The following FANCM variants were observed in gnomAD, a reference collection of about 807,000 sequenced individuals.
FANCM encodes FA complementation group M.
Under a neutral mutation model 199.5 loss-of-function variants are expected in FANCM, and 140 were observed. The ratio of observed to expected loss-of-function variants is 0.70; its 90% CI spans 0.61 to 0.81. The LOEUF is 0.81. Among genes scored for constraint, FANCM ranks in the 30% least tolerant of loss-of-function variants. The pLI, the probability that FANCM is intolerant of heterozygous loss-of-function variation, is 0.00. For missense variants in FANCM, 2,410 were observed against 2,421.4 expected, an observed-to-expected ratio of 1.00 and a Z score of 0.10; for synonymous variants, 840 against 836.8, an observed-to-expected ratio of 1.00 and a Z score of -0.07.
At chr14:45,184,756 T>G (rs969565974) in intron 17 of FANCM, among the ~76,000 whole-genome samples, 6 of 151,500 alleles carry the variant, frequency 4.0e-5, no homozygotes, top group African/African-American at 1.5e-4. Flanking sequence ...GGTAACTTTA[T>G]CATTTCTTCT....
At chr14:45,191,735 A>G (rs1358554032) in intron 20 of FANCM, among the ~76,000 whole-genome samples, 1 of 152,200 alleles carries the variant, frequency 6.6e-6, no homozygotes, top group Admixed American at 6.5e-5. Context: ...GAATTTTTTG[A>G]GGTAAATTTG....
intron 8 of FANCM, among the ~76,000 whole-genome samples, chr14:45,155,738 G>T (rs45607635): frequency 3.3e-5 from 5 of 152,164 alleles, no homozygotes; most frequent in Non-Finnish European, 7.3e-5. Flanking sequence ...GGTGAAGGTT[G>T]CAGTGAGCCG....
intron 9 of FANCM, among the ~76,000 whole-genome samples, chr14:45,161,760 C>T (rs1006697095): frequency 6.6e-6 from 1 of 151,778 alleles, no homozygotes; most frequent in Non-Finnish European, 1.5e-5. Flanking sequence ...CTGGGCAACA[C>T]AGTGAGACCC....
chr14:45,150,933 A>C (rs553036671), intron 4 of FANCM, among the ~76,000 whole-genome samples: 1 of 152,340 alleles, frequency 6.6e-6, no homozygotes, highest in African/African-American at 2.4e-5. Context: ...TTTGTTGAAA[A>C]AAATGCATCA....
chr14:45,183,698 A>G, intron 16 of FANCM, 76 bp from the exon 17 acceptor site: 1 of 956,296 alleles, frequency 1.0e-6, no homozygotes, highest in South Asian at 1.4e-5. Context: ...CATGGCTCTG[A>G]GTTGTAAGAG....
intron 11 of FANCM, 111 bp downstream of exon 11, chr14:45,167,274 T>A: frequency 1.4e-6 from 1 of 723,674 alleles, no homozygotes; most frequent in Non-Finnish European, 2.5e-6. Flanking sequence ...TTCTAATTAA[T>A]ATATTATAGG....
chr14:45,167,303 T>G, intron 11 of FANCM, 140 bp downstream of exon 11: 1 of 670,092 alleles, frequency 1.5e-6, no homozygotes, highest in Non-Finnish European at 2.7e-6. Flanking sequence ...TTGGAAAGGC[T>G]GTACGAGATT....
At position 45,189,234 on chromosome 14, in the gene FANCM, T is replaced by C; in HGVS notation, c.5212T>C (p.Leu1738=). 6.2e-7 allele frequency: 1 copy of C among 1,614,102 alleles called. No homozygotes were observed. Among genetic ancestry groups the C allele is most frequent in the African/African-American group, 1.3e-5 (1 of 75,038 alleles). ...AKQSKQTSLN[L]KDTISEVSDF... Reference sequence around the variant, plus strand: ...GCAGAGCAAACAGACATCGCTGAATTTAAAGGATACAATTTCCGAAGTCTC... The same window carrying C: ...GCAGAGCAAACAGACATCGCTGAATCTAAAGGATACAATTTCCGAAGTCTC... The change falls in exon 20 of 23, where the codon TTA becomes CTA. Residue 1738 remains leucine, a synonymous_variant. Coordinates refer to ENST00000267430, the MANE Select transcript of FANCM (RefSeq NM_020937.4).
intron 18 of FANCM, among the ~76,000 whole-genome samples, chr14:45,185,683 T>C (rs1889355732): frequency 1.3e-5 from 2 of 152,140 alleles, no homozygotes; most frequent in South Asian, 2.1e-4. Context: ...TTAAGAACCA[T>C]ATATGAATGA....
At position 45,197,771 on chromosome 14, in the gene FANCM, T is replaced by TG. The variant is rs1323248404; in HGVS notation, c.5717-873_5717-872insG. Among the ~76,000 whole-genome samples the TG allele has an allele frequency of 2.0e-5, 3 of 149,676 alleles. No individual in the cohort carries two copies. In the East Asian group the frequency reaches 5.9e-4, roughly 29 times the overall value. ...TGAGCCACCATGCCCAGCCTTCTTT[T>TG]TTTTTTTTTTGAAATGGAGTCTTGC... On this transcript the variant is annotated intron_variant, in intron 21 of 22. Coordinates refer to ENST00000267430, the MANE Select transcript of FANCM (RefSeq NM_020937.4).
rs2139206909 is a variant in FANCM, at chr14:45,164,971, A to G, written c.1788+406A>G. Among the ~76,000 whole-genome samples, 3 of 152,308 alleles carry G rather than the reference A, an allele frequency of 2.0e-5. No individual in the cohort carries two copies. The Middle Eastern group carries it at 0.01, about 518-fold the overall frequency. On this transcript the variant is annotated intron_variant, in intron 10 of 22. Coordinates refer to ENST00000267430, the MANE Select transcript of FANCM (RefSeq NM_020937.4). ...GTCAAAATAACTGACTAAATAAGAA[A>G]CAAAGAACATGTATCAGAGACAGTA...
intron 5 of FANCM, among the ~76,000 whole-genome samples, chr14:45,153,364 C>T (rs1886953884): frequency 6.6e-6 from 1 of 152,174 alleles, no homozygotes; most frequent in African/African-American, 2.4e-5. Flanking sequence ...AAGTAATGTG[C>T]TTAGAATAGT....
rs150391962 is a variant in FANCM, at chr14:45,189,072, A to G, written c.5050A>G (p.Arg1684Gly). ...SEEENNVNDKRESNIAVNPST... is the reference protein window; with the variant it reads ...SEEENNVNDKGESNIAVNPST... Reference sequence around the variant, plus strand: ...GGAGGAGAACAATGTAAATGATAAAAGAGAATCTAATATTGCGGTTAACCC... The same window carrying G: ...GGAGGAGAACAATGTAAATGATAAAGGAGAATCTAATATTGCGGTTAACCC... The change falls in exon 20 of 23, where the codon AGA becomes GGA. Residue 1684 changes from arginine (R) to glycine (G), a missense_variant. Transcript: ENST00000267430. The G allele has an allele frequency of 1.9e-6, 3 of 1,614,088 alleles. No individual in the cohort carries two copies. The African/African-American group carries it at 4.0e-5, about 22-fold the overall frequency.
chr14:45,172,916 T>C (rs1245375264), intron 12 of FANCM, 139 bp from the exon 13 acceptor site: 1 of 649,396 alleles, frequency 1.5e-6, no homozygotes, highest in African/African-American at 1.8e-5. Context: ...TCTTTTTTTC[T>C]TCTGAGATTT....
intron 18 of FANCM, among the ~76,000 whole-genome samples, 196 bp downstream of exon 18, chr14:45,185,569 T>C (rs1889349393): frequency 6.6e-6 from 1 of 152,224 alleles, no homozygotes; most frequent in African/African-American, 2.4e-5. Flanking sequence ...AGGCTTCTGC[T>C]AATTTGAATA....
chr14:45,136,630 C>A (rs1019856946), intron 1 of FANCM, 91 bp downstream of exon 1: 1 of 1,250,486 alleles, frequency 8.0e-7, no homozygotes. Context: ...GCATCTTACG[C>A]CCTCCCTCTT....
In FANCM at chr14:45,176,981, G is replaced by T; in HGVS notation, c.4222+5G>T. 6.6e-7 allele frequency: 1 copy of T among 1,518,780 alleles called. No individual in the cohort carries two copies. 94.1% of individuals were successfully genotyped at this position (1,518,780 alleles called of 1,614,324 possible). A position where few individuals can be genotyped will look rare whatever the true frequency, so the allele number is the denominator to read the frequency against. On this transcript the variant is annotated splice_donor_5th_base_variant and intron_variant, in intron 14 of 22. Transcript: ENST00000267430. The stretch of plus-strand genomic sequence containing the variant: ...AATCCTGTCATTCTGTTGAAGGTAA[G>T]ATTCCATCTTTATAAAGTCTATAAC...
At chr14:45,149,492 A>G (rs888226565) in intron 4 of FANCM, among the ~76,000 whole-genome samples, 1 of 152,018 alleles carries the variant, frequency 6.6e-6, no homozygotes. Flanking sequence ...TTAGCCTCCC[A>G]AGTAGCTGGG....
At position 45,175,902 on chromosome 14, in the gene FANCM, G is replaced by T; in HGVS notation, c.3148G>T (p.Glu1050Ter). ...HSAVNSQQNLELNSLKCINYP... is the reference protein window; with the variant it reads ...HSAVNSQQNL The stretch of plus-strand genomic sequence containing the variant: ...AGCTGTGAATTCTCAACAGAATTTA[G>T]AATTGAATTCACTTAAATGTATAAA... The change falls in exon 14 of 23, where the codon GAA becomes TAA. Residue 1050 changes from glutamate (E) to a stop codon, truncating the protein, a stop_gained. Transcript: ENST00000267430. LOFTEE classifies it high-confidence loss of function. 1 of 1,613,246 alleles carries T rather than the reference G, an allele frequency of 6.2e-7. No homozygotes were observed. The highest frequency in any genetic ancestry group is 8.5e-7 in the Non-Finnish European group (1 of 1,179,420).
Sources: allele counts gnomAD v4.1 joint callset (sites outside exome capture counted in the v4.1 genomes callset), GRCh38; gene constraint gnomAD v4.1.1; transcripts MANE v1.5; gene names NCBI Gene and HGNC (gene_info 2026-07-23, HGNC 2026-07-21).